Variants in TMEM178B observed in about 807,000 individuals in gnomAD.
The protein encoded by TMEM178B is transmembrane protein 178B.
Under a neutral mutation model 31.0 loss-of-function variants are expected in TMEM178B, and 5 were observed. The observed-to-expected ratio is 0.16, with a 90% CI of 0.08 to 0.34. TMEM178B has a LOEUF of 0.34. TMEM178B is among the 10% of genes least tolerant of loss of function. TMEM178B has a pLI of 1.00. For synonymous variants in TMEM178B, 164 were observed against 164.0 expected, an observed-to-expected ratio of 1.00 and a Z score of 0.00; for missense variants, 275 against 400.3, an observed-to-expected ratio of 0.69 and a Z score of 2.67.
intron 2 of TMEM178B, among the ~76,000 whole-genome samples, chr7:141,237,982 C>A (rs1797556685): frequency 6.7e-6 from 1 of 149,082 alleles, no homozygotes; most frequent in Admixed American, 6.7e-5. Flanking sequence ...CGAGAATGCA[C>A]CATTGCACTC....
intron 2 of TMEM178B, among the ~76,000 whole-genome samples, chr7:141,435,384 A>G (rs532767626): frequency 6.6e-6 from 1 of 152,300 alleles, no homozygotes; most frequent in Admixed American, 6.5e-5. Context: ...GCCCTTGAAG[A>G]TGATGGGGAG....
chr7:141,505,805 C>T, the TMEM178B span, among the ~76,000 whole-genome samples: 155 of 152,312 alleles, frequency 1.0e-3, no homozygotes, highest in Middle Eastern at 6.8e-3. Context: ...TCTGGCCTTG[C>T]AGAATTTCCA....
At chr7:141,233,999 G>C (rs373683471) in intron 2 of TMEM178B, among the ~76,000 whole-genome samples, 1 of 152,160 alleles carries the variant, frequency 6.6e-6, no homozygotes, top group Non-Finnish European at 1.5e-5. Flanking sequence ...CTGTCTTCAG[G>C]CATGGGGAGT....
chr7:141,215,337 A>ATTATTTTTTTTT (rs55726735), intron 2 of TMEM178B, among the ~76,000 whole-genome samples: 7 of 141,554 alleles, frequency 4.9e-5, no homozygotes, highest in African/African-American at 1.8e-4. Flanking sequence ...TATTATTATT[A>ATTATTTTTTTTT]TTTTTTGAGA....
chr7:141,204,321 C>T (rs185018705), intron 1 of TMEM178B, among the ~76,000 whole-genome samples: 77 of 152,318 alleles, frequency 5.1e-4, no homozygotes, highest in African/African-American at 1.5e-3. Flanking sequence ...TCCCAAAGGA[C>T]GGGGCTGTTG....
intron 2 of TMEM178B, among the ~76,000 whole-genome samples, chr7:141,323,655 C>G (rs1438981065): frequency 1.3e-5 from 2 of 152,094 alleles, no homozygotes; most frequent in Non-Finnish European, 2.9e-5. Flanking sequence ...ATATATTCAA[C>G]AAGTATTTAC....
At chr7:141,319,822 G>A (rs1336996883) in intron 2 of TMEM178B, among the ~76,000 whole-genome samples, 2 of 152,166 alleles carry the variant, frequency 1.3e-5, no homozygotes, top group Non-Finnish European at 2.9e-5. Flanking sequence ...TAGAATCTCT[G>A]CATTTCTACT....
intron 1 of TMEM178B, among the ~76,000 whole-genome samples, chr7:141,174,467 G>GTA (rs1359163932): frequency 3.3e-5 from 5 of 152,264 alleles, no homozygotes; most frequent in Non-Finnish European, 5.9e-5. Context: ...ATTCCTTTGG[G>GTA]TATATACCCA....
chr7:141,114,950 C>G (rs1304576016), intron 1 of TMEM178B, among the ~76,000 whole-genome samples: 1 of 151,898 alleles, frequency 6.6e-6, no homozygotes, highest in Non-Finnish European at 1.5e-5. Context: ...GTAGGTGTTA[C>G]CAGAGAAAGA....
intron 2 of TMEM178B, among the ~76,000 whole-genome samples, chr7:141,269,389 C>T (rs1273245201): frequency 1.3e-5 from 2 of 152,144 alleles, no homozygotes; most frequent in Non-Finnish European, 2.9e-5. Flanking sequence ...GCCACTGTGC[C>T]TGGCCTTTGT....
chr7:141,455,011 G>A (rs1801938075), intron 3 of TMEM178B, among the ~76,000 whole-genome samples: 1 of 151,982 alleles, frequency 6.6e-6, no homozygotes, highest in South Asian at 2.1e-4. Flanking sequence ...CATTCCTGAT[G>A]GGCTGAAGTC....
intron 2 of TMEM178B, among the ~76,000 whole-genome samples, chr7:141,265,357 C>T (rs369606569): frequency 2.1e-4 from 32 of 152,108 alleles, no homozygotes; most frequent in East Asian, 1.7e-3. Flanking sequence ...AGGACTGTGG[C>T]GCAGACTTTA....
chr7:141,498,611 G>T, the TMEM178B span, among the ~76,000 whole-genome samples: 1 of 152,222 alleles, frequency 6.6e-6, no homozygotes. Context: ...TTCTCACCAG[G>T]TGGCTGTGTT....
At chr7:141,494,938 A>G in the TMEM178B span, among the ~76,000 whole-genome samples, 2 of 152,338 alleles carry the variant, frequency 1.3e-5, no homozygotes, top group South Asian at 2.1e-4. Flanking sequence ...AAGATAGGTG[A>G]TAAGTTGATA....
chr7:141,238,920 G>A (rs973993465), intron 2 of TMEM178B, among the ~76,000 whole-genome samples: 1 of 152,216 alleles, frequency 6.6e-6, no homozygotes, highest in African/African-American at 2.4e-5. Flanking sequence ...CTAACTAGGT[G>A]AGATAACCAG....
At chr7:141,280,445 G>T (rs1371742137) in intron 2 of TMEM178B, among the ~76,000 whole-genome samples, 2 of 152,132 alleles carry the variant, frequency 1.3e-5, no homozygotes, top group African/African-American at 4.8e-5. Context: ...AGTCTCATGA[G>T]ATTTGATCAT....
chr7:141,348,368 T>C (rs1799655771), intron 2 of TMEM178B, among the ~76,000 whole-genome samples: 1 of 152,192 alleles, frequency 6.6e-6, no homozygotes, highest in Admixed American at 6.5e-5. Flanking sequence ...AGGATTCATG[T>C]GGTCTTTACA....
At chr7:141,079,367 C>CTAT (rs1334453301) in intron 1 of TMEM178B, among the ~76,000 whole-genome samples, 3 of 152,172 alleles carry the variant, frequency 2.0e-5, no homozygotes, top group Non-Finnish European at 4.4e-5. Flanking sequence ...TGCCTACTGG[C>CTAT]TATTGTATGG....
chr7:141,415,515 G>A (rs779282468), intron 2 of TMEM178B: 1 of 152,662 alleles, frequency 6.6e-6, no homozygotes, highest in Admixed American at 6.5e-5. Flanking sequence ...TGACTATGCC[G>A]AGCTGCCTGG....
Sources: gnomAD v4.1 joint callset for allele counts (sites outside exome capture counted in the v4.1 genomes callset) on GRCh38, gnomAD v4.1.1 for gene constraint, MANE v1.5 for transcripts, NCBI Gene and HGNC (gene_info 2026-07-23, HGNC 2026-07-21) for gene names.